EYS: variants seen among roughly 807,000 people sequenced by gnomAD.
The protein encoded by EYS is EGF-like photoreceptor maintenance factor.
Under a neutral mutation model 282.1 loss-of-function variants are expected in EYS, and 250 were observed. That is an observed-to-expected ratio of 0.89 (90% CI 0.80 to 0.98). The LOEUF (loss-of-function observed/expected upper bound fraction) is 0.98. Ranked by LOEUF, EYS falls within the 50% of genes least tolerant of loss-of-function variation. The pLI, the probability that EYS is intolerant of heterozygous loss-of-function variation, is 0.00. For missense variants in EYS, 4,016 were observed against 3,709.0 expected, an observed-to-expected ratio of 1.08 and a Z score of -2.15; for synonymous variants, 1,355 against 1,282.9, an observed-to-expected ratio of 1.06 and a Z score of -1.20.
intron 12 of EYS, among the ~76,000 whole-genome samples, chr6:65,258,791 G>T (rs1249220654): frequency 1.3e-5 from 2 of 152,010 alleles, no homozygotes; most frequent in African/African-American, 4.8e-5. Flanking sequence ...ATATGTTTAA[G>T]GCTGAAAGTT....
At chr6:64,945,666 G>T in intron 15 of EYS, 127 bp downstream of exon 15, 1 of 791,376 alleles carries the variant, frequency 1.3e-6, no homozygotes, top group Non-Finnish European at 1.9e-6. Context: ...GTCAGTAAAT[G>T]GCTCTTCATT....
intron 31 of EYS, among the ~76,000 whole-genome samples, chr6:64,196,792 C>T (rs947519141): frequency 2.7e-5 from 4 of 150,612 alleles, no homozygotes; most frequent in African/African-American, 4.9e-5. Context: ...ATACCTAATG[C>T]TAAATGATGA....
chr6:63,899,280 G>GT (rs996757594), intron 35 of EYS, among the ~76,000 whole-genome samples: 1 of 151,888 alleles, frequency 6.6e-6, no homozygotes, highest in African/African-American at 2.4e-5. Context: ...TCTGTGGCTA[G>GT]TTTTTTTTCT....
intron 1 of EYS, 112 bp from the exon 2 acceptor site, chr6:65,640,004 G>C (rs1199589303): frequency 6.6e-6 from 1 of 152,142 alleles, no homozygotes; most frequent in African/African-American, 2.4e-5. Context: ...AGATTAGCCA[G>C]TATCCTGCCT....
chr6:64,504,903 G>A (rs1777164791), intron 26 of EYS, among the ~76,000 whole-genome samples: 1 of 152,140 alleles, frequency 6.6e-6, no homozygotes, highest in Non-Finnish European at 1.5e-5. Context: ...GTTTTACTCT[G>A]TGGATGAGGA....
intron 12 of EYS, among the ~76,000 whole-genome samples, chr6:65,186,852 T>C (rs1194459865): frequency 6.6e-6 from 1 of 151,742 alleles, no homozygotes; most frequent in Non-Finnish European, 1.5e-5. Context: ...CTATTGTCTT[T>C]GATGATATTG....
At chr6:64,144,736 C>T (rs529001135) in intron 31 of EYS, among the ~76,000 whole-genome samples, 2 of 152,276 alleles carry the variant, frequency 1.3e-5, no homozygotes, top group South Asian at 4.1e-4. Context: ...GAAGAAGTGA[C>T]AACTTCAGTT....
chr6:64,571,570 A>G (rs1412782794), intron 26 of EYS, among the ~76,000 whole-genome samples: 1 of 152,208 alleles, frequency 6.6e-6, no homozygotes, highest in Non-Finnish European at 1.5e-5. Context: ...AATCAAATAG[A>G]CACAATAAAA....
At chr6:65,113,820 T>C (rs1775290617) in intron 12 of EYS, among the ~76,000 whole-genome samples, 2 of 152,024 alleles carry the variant, frequency 1.3e-5, no homozygotes, top group African/African-American at 4.8e-5. Context: ...CACTACATGA[T>C]TGTTAAGACA....
At position 65,442,934 on chromosome 6, in the gene EYS, ATATACG is replaced by A. The variant is rs1265293253; in HGVS notation, c.863-37573_863-37568del. 1.0e-4 allele frequency among the ~76,000 whole-genome samples: 10 copies of A among 100,212 alleles called. 2 individuals carry two copies. The highest frequency in any genetic ancestry group is 3.3e-4 in the South Asian group (1 of 2,998). 65.7% of individuals were successfully genotyped at this position (100,212 alleles called of 152,430 possible). The stretch of plus-strand genomic sequence containing the variant: ...TGCACATACATATGTACATATATGT[ATATACG>A]TATATACATGCACATACATATGTAC... On this transcript the variant is annotated intron_variant, in intron 5 of 42. Coordinates refer to ENST00000503581, the MANE Select transcript of EYS (RefSeq NM_001142800.2).
chr6:64,423,105 C>A (rs533834296), intron 28 of EYS, among the ~76,000 whole-genome samples: 24 of 152,020 alleles, frequency 1.6e-4, no homozygotes, highest in Non-Finnish European at 2.9e-4. Context: ...TTCTGCAAAG[C>A]ATTTTGTTAG....
chr6:64,896,854 G>A (rs867702825), intron 18 of EYS, among the ~76,000 whole-genome samples: 1 of 151,870 alleles, frequency 6.6e-6, no homozygotes, highest in African/African-American at 2.4e-5. Flanking sequence ...ACTGGTGGAG[G>A]GGGGGGCCAC....
At chr6:63,944,295 T>G (rs2149760065) in intron 35 of EYS, among the ~76,000 whole-genome samples, 1 of 152,336 alleles carries the variant, frequency 6.6e-6, no homozygotes, top group East Asian at 1.9e-4. Context: ...TTTTTATGTG[T>G]TTTCAGATAT....
At chr6:65,102,815 G>C (rs1774931804) in intron 12 of EYS, among the ~76,000 whole-genome samples, 1 of 151,164 alleles carries the variant, frequency 6.6e-6, no homozygotes, top group Non-Finnish European at 1.5e-5. Flanking sequence ...CAAAGATATA[G>C]TTTAACAAAT....
chr6:64,799,135 A>G (rs940668130), intron 22 of EYS, among the ~76,000 whole-genome samples: 10 of 151,482 alleles, frequency 6.6e-5, no homozygotes, highest in Admixed American at 5.9e-4. Flanking sequence ...TCATCAGTTC[A>G]GTAAGCATTT....
chr6:65,247,096 AT>A (rs1280248361), intron 12 of EYS, among the ~76,000 whole-genome samples: 1 of 152,106 alleles, frequency 6.6e-6, no homozygotes, highest in Non-Finnish European at 1.5e-5. Context: ...AAGCAGATTC[AT>A]TATTGTTTTA....
intron 8 of EYS, among the ~76,000 whole-genome samples, chr6:65,374,880 A>C (rs1345057886): frequency 1.3e-5 from 2 of 152,118 alleles, no homozygotes; most frequent in Non-Finnish European, 2.9e-5. Context: ...CAGCTGCCCC[A>C]GTCAGGGGAT....
At chr6:64,346,144 T>C (rs1339693199) in intron 29 of EYS, among the ~76,000 whole-genome samples, 12 of 152,104 alleles carry the variant, frequency 7.9e-5, no homozygotes, top group African/African-American at 2.6e-4. Context: ...GTCAGTGTGG[T>C]GGTTCCTCAG....
In EYS at chr6:63,957,282, A is replaced by C. The variant is rs917544548; in HGVS notation, c.7055+27101T>G. On this transcript the variant is annotated intron_variant, in intron 35 of 42. Coordinates refer to ENST00000503581, the MANE Select transcript of EYS (RefSeq NM_001142800.2). Reference sequence around the variant, plus strand: ...AATGTGGCTTCACTGAACAGACCTCAAAAAGGACACTTGTTTATGTGCAAG... The same window carrying C: ...AATGTGGCTTCACTGAACAGACCTCCAAAAGGACACTTGTTTATGTGCAAG... Among the ~76,000 whole-genome samples the C allele has an allele frequency of 1.7e-4, 24 of 140,748 alleles. 4 individuals are homozygous for C. The highest frequency in any genetic ancestry group is 2.6e-4 in the Non-Finnish European group (16 of 61,968). The allele number at this position is 140,748 out of a possible 152,430, so 92.3% of individuals were successfully genotyped here.
Sources: allele counts gnomAD v4.1 joint callset (sites outside exome capture counted in the v4.1 genomes callset), GRCh38; gene constraint gnomAD v4.1.1; transcripts MANE v1.5; gene names NCBI Gene and HGNC (gene_info 2026-07-23, HGNC 2026-07-21).